Variants in CHIA observed in about 807,000 individuals in gnomAD.
CHIA encodes the protein chitinase acidic, also known as acidic mammalian chitinase.
A neutral mutation model predicts 53.5 loss-of-function variants in CHIA; 47 were observed. The ratio of observed to expected loss-of-function variants is 0.88; its 90% CI spans 0.70 to 1.12. The LOEUF (loss-of-function observed/expected upper bound fraction) is 1.12. Among genes scored for constraint, CHIA ranks in the 50% most tolerant of loss-of-function variants. The probability of loss-of-function intolerance (pLI) is 0.00; values close to 1 mark genes in which losing one functional copy is unlikely to be tolerated. For synonymous variants in CHIA, 268 were observed against 222.2 expected (o/e 1.21, Z -1.83); for missense variants, 652 against 592.2 (o/e 1.10, Z -1.05).
chr1:111,303,412 T>TAC (rs1414692069), intron 1 of CHIA, among the ~76,000 whole-genome samples: 2 of 151,836 alleles, frequency 1.3e-5, no homozygotes, highest in Non-Finnish European at 2.9e-5. Flanking sequence ...CGTTTCCTTA[T>TAC]ACACACACAC....
Position 111,318,129 on chromosome 1 carries a change from C to A in CHIA, c.729+20C>A, listed in dbSNP as rs568701934. 42 of 1,575,418 alleles carry A rather than the reference C, an allele frequency of 2.7e-5. No homozygotes were observed. The South Asian group carries it at 4.1e-4, about 16-fold the overall frequency. The stretch of plus-strand genomic sequence containing the variant: ...AATGTGGTGAGTCCCTGTACAGATG[C>A]AAGAGCAGACCAGAGATGATGATGA... On this transcript the variant is annotated intron_variant, in intron 8 of 11. Transcript: ENST00000369740.
chr1:111,318,861 T>G (rs1348933715), intron 9 of CHIA, among the ~76,000 whole-genome samples, 183 bp downstream of exon 9: 1 of 152,244 alleles, frequency 6.6e-6, no homozygotes, highest in African/African-American at 2.4e-5. Flanking sequence ...CAATGCATAA[T>G]ATCCCTTCAC....
chr1:111,293,093 A>G (rs1480617832), intron 1 of CHIA, among the ~76,000 whole-genome samples: 1 of 152,150 alleles, frequency 6.6e-6, no homozygotes, highest in African/African-American at 2.4e-5. Context: ...TATTTTGGGT[A>G]TACCTAGAAG....
rs1462168849 is a variant in CHIA, at chr1:111,318,544, A to G, written c.781A>G (p.Ile261Val). Residue 261 changes from isoleucine (I) to valine (V), a missense_variant, in exon 9 of 12, where the codon ATC (isoleucine) becomes GTC (valine). Ile to Val is a conservative substitution (Grantham distance 29). Coordinates refer to ENST00000369740, the MANE Select transcript of CHIA (RefSeq NM_201653.4). Reference sequence around the variant, plus strand: ...CAATGGAGCACCAGCTGAGAAGCTCATCGTTGGATTCCCTACCTATGGACA... The same window carrying G: ...CAATGGAGCACCAGCTGAGAAGCTCGTCGTTGGATTCCCTACCTATGGACA... ...KDNGAPAEKL[I>V]VGFPTYGHNF... 8.1e-6 allele frequency: 13 copies of G among 1,614,196 alleles called. No individual in the cohort carries two copies. Among genetic ancestry groups the G allele is most frequent in the Non-Finnish European group, 1.1e-5 (13 of 1,179,992 alleles).
rs79475165 is a variant in CHIA, at chr1:111,319,587, C to T, written c.1177+119C>T. 9.8e-4 allele frequency: 889 copies of T among 911,488 alleles called. 20 individuals carry two copies. In the East Asian group the frequency reaches 0.021, roughly 21 times the overall value. The allele number at this position is 911,488 out of a possible 1,614,324, so 56.5% of individuals were successfully genotyped here. A position where few individuals can be genotyped will look rare whatever the true frequency, so the allele number is the denominator to read the frequency against. On this transcript the variant is annotated intron_variant, in intron 11 of 11. Transcript: ENST00000369740. ...GGATCCTCTTTCCACTTCACCTCAC[C>T]GCTCTTGCCCAGATGAGAGACAGGT...
intron 1 of CHIA, among the ~76,000 whole-genome samples, chr1:111,302,348 T>C (rs149581563): frequency 6.6e-6 from 1 of 152,292 alleles, no homozygotes; most frequent in East Asian, 1.9e-4. Flanking sequence ...AATTAGATTG[T>C]CAATTTGACA....
At chr1:111,300,868 T>C (rs1647665755) in intron 1 of CHIA, among the ~76,000 whole-genome samples, 1 of 152,076 alleles carries the variant, frequency 6.6e-6, no homozygotes, top group African/African-American at 2.4e-5. Context: ...TACAAAGAAC[T>C]TAAACAAATT....
intron 6 of CHIA, chr1:111,315,707 A>G (rs1013317134): frequency 2.7e-5 from 14 of 516,242 alleles, no homozygotes; most frequent in African/African-American, 2.1e-4. Flanking sequence ...CATACATACT[A>G]TAAGTGTTAT....
chr1:111,310,477 C>T lies in CHIA; in HGVS notation c.10C>T (p.Leu4Phe), dbSNP rs889874257. The T allele has an allele frequency of 1.2e-5, 19 of 1,614,058 alleles. No individual in the cohort carries two copies. The highest frequency in any genetic ancestry group is 8.0e-5 in the African/African-American group (6 of 74,938). The change falls in exon 2 of 12, where the codon CTT becomes TTT. Residue 4 changes from leucine to phenylalanine, a missense_variant. Physicochemically the swap from Leu to Phe is conservative, Grantham distance 22. Coordinates refer to ENST00000369740, the MANE Select transcript of CHIA (RefSeq NM_201653.4). MTK[L>F]ILLTGLVLIL... Reference sequence around the variant, plus strand: ...GGTGCTGACTGCAACCATGACAAAGCTTATTCTCCTCACAGGTGGGTTTGT... The same window carrying T: ...GGTGCTGACTGCAACCATGACAAAGTTTATTCTCCTCACAGGTGGGTTTGT...
At chr1:111,291,404 A>G (rs1661009707) in intron 1 of CHIA, among the ~76,000 whole-genome samples, 1 of 152,198 alleles carries the variant, frequency 6.6e-6, no homozygotes, top group South Asian at 2.1e-4. Context: ...GCAAACTAAC[A>G]CAGAAACAGA....
At position 111,318,314 on chromosome 1, in the gene CHIA, A is replaced by G. The variant is rs185797282; in HGVS notation, c.730-179A>G. 7.9e-5 allele frequency among the ~76,000 whole-genome samples: 12 copies of G among 152,342 alleles called. 1 individual carries two copies. The East Asian group carries it at 2.3e-3, about 29-fold the overall frequency. On this transcript the variant is annotated intron_variant, in intron 8 of 11. Transcript: ENST00000369740. ...ATTCTGCAAGTGTCTCACTTAAACA[A>G]CTGTCCTCAAGTTGATCGTATTTCA... is the stretch of plus-strand genomic sequence containing the variant.
In CHIA at chr1:111,299,274, A is replaced by G. The variant is rs1288300393; in HGVS notation, c.-69+8324A>G. Reference sequence around the variant, plus strand: ...TCATCCTGATACCAAAGCCTGGCAGACACACCACAAAAAAAGAGAATTTTA... The same window carrying G: ...TCATCCTGATACCAAAGCCTGGCAGGCACACCACAAAAAAAGAGAATTTTA... On this transcript the variant is annotated intron_variant, in intron 1 of 11. Transcript: ENST00000369740. 2.6e-5 allele frequency among the ~76,000 whole-genome samples: 4 copies of G among 152,206 alleles called. No individual in the cohort carries two copies. In the East Asian group the frequency reaches 7.7e-4, roughly 29 times the overall value.
chr1:111,304,444 G>C (rs1487949783), intron 1 of CHIA, among the ~76,000 whole-genome samples: 2 of 151,806 alleles, frequency 1.3e-5, no homozygotes, highest in Non-Finnish European at 2.9e-5. Context: ...TTTTCTTTCT[G>C]TTCCTCAAAC....
chr1:111,306,767 A>G (rs1472484326), intron 1 of CHIA, among the ~76,000 whole-genome samples: 1 of 152,226 alleles, frequency 6.6e-6, no homozygotes, highest in Admixed American at 6.5e-5. Context: ...TGTGGGCAGC[A>G]CAATAGAAAA....
chr1:111,318,376 A>T, intron 8 of CHIA, 117 bp from the exon 9 acceptor site: 1 of 965,194 alleles, frequency 1.0e-6, no homozygotes, highest in Non-Finnish European at 1.5e-6. Flanking sequence ...TGAAAAAAAT[A>T]CTAATCCATC....
chr1:111,311,666 A>T (rs1648684763), intron 2 of CHIA, 23 bp from the exon 3 acceptor site: 3 of 1,613,794 alleles, frequency 1.9e-6, no homozygotes, highest in Non-Finnish European at 2.5e-6. Flanking sequence ...GGTTCAAAGT[A>T]CATGCTTTTT....
rs570445826 is a variant in CHIA at position 111,295,932 on chromosome 1, C to G, written c.-69+4982C>G. Among the ~76,000 whole-genome samples the G allele has an allele frequency of 1.1e-4, 17 of 152,342 alleles. No individual in the cohort carries two copies. The South Asian group carries it at 3.5e-3, about 32-fold the overall frequency. ...TATCCCGCACCTGGCTCAGTGGGTC[C>G]CATGCTCATGGAGCCTTGCTCACTG... On this transcript the variant is annotated intron_variant, in intron 1 of 11. Coordinates refer to ENST00000369740, the MANE Select transcript of CHIA (RefSeq NM_201653.4).
chr1:111,315,938 A>G, intron 6 of CHIA: 1 of 419,496 alleles, frequency 2.4e-6, no homozygotes. Context: ...TTGGCTTTGA[A>G]GAACTTCTTC....
Position 111,318,351 on chromosome 1 carries a change from T to G in CHIA, c.730-142T>G. 5.8e-6 allele frequency: 5 copies of G among 866,242 alleles called. No individual in the cohort carries two copies. In the South Asian group the frequency reaches 9.5e-5, roughly 17 times the overall value. 53.7% of individuals were successfully genotyped at this position (866,242 alleles called of 1,614,324 possible). Reference sequence around the variant, plus strand: ...TTGATCGTATTTCATTAACTACAACTTCACCAAAATGTTTTGAAAAAAATA... The same window carrying G: ...TTGATCGTATTTCATTAACTACAACGTCACCAAAATGTTTTGAAAAAAATA... On this transcript the variant is annotated intron_variant, in intron 8 of 11. Coordinates refer to ENST00000369740, the MANE Select transcript of CHIA (RefSeq NM_201653.4).
Sources: gnomAD v4.1 joint callset for allele counts (sites outside exome capture counted in the v4.1 genomes callset) on GRCh38, gnomAD v4.1.1 for gene constraint, MANE v1.5 for transcripts, NCBI Gene and HGNC (gene_info 2026-07-23, HGNC 2026-07-21) for gene names.